The following CDK14 variants were observed in gnomAD, a reference collection of about 807,000 sequenced individuals.
CDK14 encodes cyclin dependent kinase 14, also known as cyclin-dependent kinase 14.
Under a neutral mutation model 60.7 loss-of-function variants are expected in CDK14, and 34 were observed. The observed-to-expected ratio is 0.56, with a 90% CI of 0.43 to 0.75. CDK14 has a LOEUF of 0.75. Among genes scored for constraint, CDK14 ranks in the 30% least tolerant of loss-of-function variants. The pLI, the probability that CDK14 is intolerant of heterozygous loss-of-function variation, is 0.00. For synonymous variants in CDK14, 197 were observed against 203.7 expected, an observed-to-expected ratio of 0.97 and a Z score of 0.28; for missense variants, 482 against 564.1, an observed-to-expected ratio of 0.85 and a Z score of 1.47.
chr7:91,201,765 A>G (rs1046423658), intron 14 of CDK14, among the ~76,000 whole-genome samples: 2 of 152,316 alleles, frequency 1.3e-5, no homozygotes, highest in South Asian at 4.1e-4. Context: ...GCTCGTTTTT[A>G]ATTTGGGTCT....
intron 10 of CDK14, among the ~76,000 whole-genome samples, chr7:91,020,993 G>A (rs1221344094): frequency 6.6e-6 from 1 of 152,144 alleles, no homozygotes; most frequent in East Asian, 1.9e-4. Context: ...GCTGTTCTCA[G>A]CTCCTGGAAG....
intron 9 of CDK14, among the ~76,000 whole-genome samples, chr7:90,959,648 A>G (rs1318934511): frequency 6.6e-6 from 1 of 152,106 alleles, no homozygotes; most frequent in South Asian, 2.1e-4. Context: ...ACAGTGTTAC[A>G]TTTTCCAGTT....
intron 2 of CDK14, among the ~76,000 whole-genome samples, chr7:90,711,036 T>G (rs1802041871): frequency 6.6e-6 from 1 of 152,102 alleles, no homozygotes; most frequent in East Asian, 1.9e-4. Context: ...TTGTGTATAG[T>G]TTAATTAACT....
intron 9 of CDK14, among the ~76,000 whole-genome samples, chr7:90,981,261 G>A (rs999760564): frequency 6.6e-6 from 1 of 152,200 alleles, no homozygotes; most frequent in African/African-American, 2.4e-5. Context: ...ATATTTATAA[G>A]CACATCATTG....
intron 5 of CDK14, among the ~76,000 whole-genome samples, chr7:90,817,700 A>G (rs1199173103): frequency 1.3e-5 from 2 of 152,188 alleles, no homozygotes; most frequent in South Asian, 2.1e-4. Context: ...TTCTAAATGC[A>G]TAGTAGTCTC....
At chr7:90,913,155 TACA>T (rs1411126351) in intron 7 of CDK14, among the ~76,000 whole-genome samples, 3 of 152,224 alleles carry the variant, frequency 2.0e-5, no homozygotes, top group African/African-American at 7.2e-5. Context: ...GTGTGTTTTA[TACA>T]ACAACCAAGA....
rs114069694 is a variant in CDK14 at position 90,791,445 on chromosome 7, C to T, written c.544+793C>T. 3.4e-3 allele frequency among the ~76,000 whole-genome samples: 514 copies of T among 152,190 alleles called. 5 individuals carry two copies. Among genetic ancestry groups the T allele is most frequent in the African/African-American group, 0.012 (497 of 41,544 alleles). On this transcript the variant is annotated intron_variant, in intron 5 of 14. Transcript: ENST00000380050. ...TATTTTTGCATTGAAAGGATCACAG[C>T]TATTATTCTCTTCATCCATAACAAG... is the stretch of plus-strand genomic sequence containing the variant.
intron 9 of CDK14, among the ~76,000 whole-genome samples, chr7:90,974,119 G>T (rs1193924251): frequency 1.3e-5 from 2 of 152,136 alleles, no homozygotes; most frequent in African/African-American, 4.8e-5. Flanking sequence ...TCTGGGAAAA[G>T]AATTCAGTGA....
intron 5 of CDK14, among the ~76,000 whole-genome samples, chr7:90,817,365 C>T (rs997026532): frequency 6.6e-6 from 1 of 152,044 alleles, no homozygotes; most frequent in Admixed American, 6.6e-5. Flanking sequence ...CTGAACAGGA[C>T]CCAAGAAATA....
intron 10 of CDK14, among the ~76,000 whole-genome samples, chr7:91,023,201 A>C (rs1285694867): frequency 6.6e-6 from 1 of 152,182 alleles, no homozygotes; most frequent in Non-Finnish European, 1.5e-5. Context: ...TGTTCATGTC[A>C]AGACTTGTCC....
At chr7:90,890,609 G>A (rs114750914) in intron 6 of CDK14, among the ~76,000 whole-genome samples, 1 of 152,304 alleles carries the variant, frequency 6.6e-6, no homozygotes, top group African/African-American at 2.4e-5. Context: ...AAGTAGATAA[G>A]TACTGTAAAG....
chr7:91,074,928 A>G (rs1271090247), intron 11 of CDK14, among the ~76,000 whole-genome samples: 1 of 152,216 alleles, frequency 6.6e-6, no homozygotes. Context: ...ACACCCTCTC[A>G]AGATTAAACC....
intron 11 of CDK14, among the ~76,000 whole-genome samples, chr7:91,077,800 A>G (rs1380122683): frequency 6.6e-6 from 1 of 151,998 alleles, no homozygotes; most frequent in Non-Finnish European, 1.5e-5. Flanking sequence ...ATATACAAAA[A>G]AATTCTATAA....
intron 2 of CDK14, among the ~76,000 whole-genome samples, chr7:90,644,866 A>G (rs1351161895): frequency 6.6e-6 from 1 of 152,212 alleles, no homozygotes. Flanking sequence ...TAAAAAATGT[A>G]ATGAGAATAT....
intron 6 of CDK14, among the ~76,000 whole-genome samples, chr7:90,880,642 G>T (rs1287085215): frequency 6.6e-6 from 1 of 152,108 alleles, no homozygotes; most frequent in Non-Finnish European, 1.5e-5. Context: ...ACCATCCAAC[G>T]GGGGTAGTCA....
intron 5 of CDK14, among the ~76,000 whole-genome samples, chr7:90,799,186 A>G (rs1420573791): frequency 6.6e-6 from 1 of 152,138 alleles, no homozygotes; most frequent in Non-Finnish European, 1.5e-5. Flanking sequence ...AAATCTAGAT[A>G]CTCTAATAGG....
At chr7:90,718,414 A>T (rs1269466656) in intron 2 of CDK14, among the ~76,000 whole-genome samples, 1 of 152,140 alleles carries the variant, frequency 6.6e-6, no homozygotes, top group Non-Finnish European at 1.5e-5. Context: ...AAAATTATTT[A>T]CCAGCTGCAA....
intron 8 of CDK14, among the ~76,000 whole-genome samples, chr7:90,937,596 A>G (rs554910315): frequency 2.4e-4 from 37 of 152,338 alleles, no homozygotes; most frequent in Non-Finnish European, 4.6e-4. Context: ...CAAAATTTCT[A>G]TCTTAGGAGA....
chr7:91,176,935 G>A (rs146212920), intron 14 of CDK14, among the ~76,000 whole-genome samples: 5,104 of 152,202 alleles, frequency 0.034, 272 homozygotes, highest in African/African-American at 0.12. Context: ...TAGAAAAGGA[G>A]GGAATCCTCC....
Sources: allele counts gnomAD v4.1 joint callset (sites outside exome capture counted in the v4.1 genomes callset), GRCh38; gene constraint gnomAD v4.1.1; transcripts MANE v1.5; gene names NCBI Gene and HGNC (gene_info 2026-07-23, HGNC 2026-07-21).